Variants in B3GLCT observed in about 807,000 individuals in gnomAD.
The protein encoded by B3GLCT is beta 3-glucosyltransferase.
A neutral mutation model predicts 63.4 loss-of-function variants in B3GLCT; 65 were observed. The ratio of observed to expected loss-of-function variants is 1.03; its 90% CI spans 0.84 to 1.26. The LOEUF is 1.26. Ranked by LOEUF, B3GLCT falls within the 50% of genes most tolerant of loss-of-function variation. The pLI, the probability that B3GLCT is intolerant of heterozygous loss-of-function variation, is 0.00. For missense variants in B3GLCT, 577 were observed against 604.8 expected (o/e 0.95, Z 0.48); for synonymous variants, 233 against 219.2 (o/e 1.06, Z -0.55).
At chr13:31,292,249 C>T (rs905403764) in intron 12 of B3GLCT, among the ~76,000 whole-genome samples, 3 of 152,188 alleles carry the variant, frequency 2.0e-5, no homozygotes, top group East Asian at 1.9e-4. Context: ...CATCAACGTT[C>T]ATCAGGGATA....
intron 4 of B3GLCT, among the ~76,000 whole-genome samples, chr13:31,239,378 A>T (rs997102726): frequency 7.2e-5 from 11 of 152,030 alleles, no homozygotes; most frequent in African/African-American, 2.7e-4. Flanking sequence ...GTATGCAAAC[A>T]AAAAGCAAAG....
At chr13:31,258,459 A>G (rs1333468199) in intron 6 of B3GLCT, among the ~76,000 whole-genome samples, 4 of 152,146 alleles carry the variant, frequency 2.6e-5, no homozygotes, top group Admixed American at 6.5e-5. Context: ...GTTTCAGGCT[A>G]TCATCATCTC....
At chr13:31,225,867 A>G (rs1377021731) in intron 3 of B3GLCT, among the ~76,000 whole-genome samples, 1 of 152,048 alleles carries the variant, frequency 6.6e-6, no homozygotes, top group African/African-American at 2.4e-5. Flanking sequence ...AAAGTGATTA[A>G]TCTAGAGCCC....
intron 12 of B3GLCT, among the ~76,000 whole-genome samples, chr13:31,310,995 G>T (rs1874676000): frequency 6.6e-6 from 1 of 152,222 alleles, no homozygotes. Flanking sequence ...CTAGTGGCAA[G>T]CCCAGAGCTG....
intron 2 of B3GLCT, among the ~76,000 whole-genome samples, chr13:31,222,241 G>A (rs1464659814): frequency 1.3e-5 from 2 of 152,018 alleles, no homozygotes; most frequent in Admixed American, 1.3e-4. Flanking sequence ...ATCATGCCCG[G>A]CTAACTTTTG....
chr13:31,200,950 A>T (rs543509180), intron 1 of B3GLCT, among the ~76,000 whole-genome samples: 14 of 146,780 alleles, frequency 9.5e-5, no homozygotes, highest in African/African-American at 3.3e-4. Flanking sequence ...ATTCTTTTTT[A>T]TTTCTTTTCT....
At chr13:31,223,979 C>G (rs910641653) in intron 3 of B3GLCT, among the ~76,000 whole-genome samples, 4 of 152,134 alleles carry the variant, frequency 2.6e-5, no homozygotes, top group Admixed American at 2.6e-4. Context: ...ACCTGGAAGG[C>G]GAGCTCTAGA....
intron 7 of B3GLCT, among the ~76,000 whole-genome samples, chr13:31,262,126 C>T (rs975359724): frequency 6.7e-6 from 1 of 150,180 alleles, no homozygotes. Context: ...TTGCAGTTGA[C>T]AGCGGCTTCC....
intron 1 of B3GLCT, among the ~76,000 whole-genome samples, chr13:31,210,169 A>C (rs1220802406): frequency 6.6e-6 from 1 of 152,206 alleles, no homozygotes; most frequent in African/African-American, 2.4e-5. Context: ...TAAAGTTATC[A>C]TGAAAAAGGT....
intron 13 of B3GLCT, 44 bp downstream of exon 13, chr13:31,317,729 T>C (rs752566987): frequency 6.2e-7 from 1 of 1,612,034 alleles, no homozygotes; most frequent in Admixed American, 1.7e-5. Flanking sequence ...AAACATAAAC[T>C]TCCCTTTCCA....
chr13:31,281,756 A>G (rs1171981578), intron 10 of B3GLCT, among the ~76,000 whole-genome samples: 1 of 152,260 alleles, frequency 6.6e-6, no homozygotes, highest in Non-Finnish European at 1.5e-5. Context: ...CAAAAGGGCC[A>G]TCTGCAAGCT....
At chr13:31,313,386 A>G (rs566897417) in intron 12 of B3GLCT, among the ~76,000 whole-genome samples, 1 of 152,256 alleles carries the variant, frequency 6.6e-6, no homozygotes, top group South Asian at 2.1e-4. Context: ...AGTCATGGAC[A>G]ATAAACTACA....
intron 3 of B3GLCT, among the ~76,000 whole-genome samples, chr13:31,224,829 A>G: frequency 6.6e-6 from 1 of 152,170 alleles, no homozygotes; most frequent in Non-Finnish European, 1.5e-5. Context: ...TTGGTTTTTC[A>G]TCAGAAAAAC....
intron 8 of B3GLCT, among the ~76,000 whole-genome samples, chr13:31,269,892 C>G (rs1327738277): frequency 2.0e-5 from 3 of 152,182 alleles, no homozygotes; most frequent in Non-Finnish European, 4.4e-5. Context: ...ACTTCCCAGC[C>G]CCTAGAACTG....
chr13:31,275,268 A>G lies in B3GLCT; in HGVS notation c.780+640A>G, dbSNP rs141481282. On this transcript the variant is annotated intron_variant, in intron 9 of 14. Coordinates refer to ENST00000343307, the MANE Select transcript of B3GLCT (RefSeq NM_194318.4). ...CAAGGTTTAGTACTATTGTAACTCCATCTTACAAATGAGAAGAGAGAGGCA... is the reference window on the plus strand; with the variant it reads ...CAAGGTTTAGTACTATTGTAACTCCGTCTTACAAATGAGAAGAGAGAGGCA... Among the ~76,000 whole-genome samples the G allele has an allele frequency of 6.0e-3, 914 of 152,342 alleles. 14 individuals carry two copies. The highest frequency in any genetic ancestry group is 0.021 in the African/African-American group (869 of 41,574).
intron 12 of B3GLCT, among the ~76,000 whole-genome samples, chr13:31,295,985 C>G (rs1029270963): frequency 5.9e-5 from 9 of 152,176 alleles, no homozygotes; most frequent in African/African-American, 2.2e-4. Flanking sequence ...TTGTGAAGAC[C>G]GTGGGACAAG....
Position 31,247,847 on chromosome 13 carries a change from T to C in B3GLCT, c.348-8T>C, listed in dbSNP as rs1871262659. 1.4e-6 allele frequency: 2 copies of C among 1,440,524 alleles called. No homozygotes were observed. Among genetic ancestry groups the C allele is most frequent in the Non-Finnish European group, 9.8e-7 (1 of 1,023,316 alleles). 89.2% of individuals were successfully genotyped at this position (1,440,524 alleles called of 1,614,324 possible). The stretch of plus-strand genomic sequence containing the variant: ...AAGTGATTACTGAAACTTGTTTCTT[T>C]TGGTCAGTTTTTCTGTAACATATAG... On this transcript the variant is annotated splice_region_variant and splice_polypyrimidine_tract_variant and intron_variant, in intron 5 of 14. Coordinates refer to ENST00000343307, the MANE Select transcript of B3GLCT (RefSeq NM_194318.4).
At chr13:31,251,914 G>A (rs533364163) in intron 6 of B3GLCT, among the ~76,000 whole-genome samples, 7 of 152,208 alleles carry the variant, frequency 4.6e-5, no homozygotes, top group East Asian at 3.9e-4. Context: ...ACACATAGTC[G>A]TCAGATTCAC....
intron 12 of B3GLCT, 100 bp from the exon 13 acceptor site, chr13:31,317,466 G>A: frequency 7.4e-7 from 1 of 1,353,988 alleles, no homozygotes. Flanking sequence ...TTTCAGTTTA[G>A]TATTACACAG....
Sources: allele counts gnomAD v4.1 joint callset (sites outside exome capture counted in the v4.1 genomes callset), GRCh38; gene constraint gnomAD v4.1.1; transcripts MANE v1.5; gene names NCBI Gene and HGNC (gene_info 2026-07-23, HGNC 2026-07-21).